Variants in CCDC154 observed in about 807,000 individuals in gnomAD.
The protein encoded by CCDC154 is coiled-coil domain containing 154, also known as coiled-coil domain-containing protein 154.
Under a neutral mutation model 87.5 loss-of-function variants are expected in CCDC154, and 91 were observed. That is an observed-to-expected ratio of 1.04 (90% confidence interval 0.88 to 1.24). The LOEUF is 1.24. Ranked by LOEUF, CCDC154 falls within the 50% of genes most tolerant of loss-of-function variation. The probability of loss-of-function intolerance (pLI) is 0.00; values close to 1 mark genes in which losing one functional copy is unlikely to be tolerated. For missense variants in CCDC154, 903 were observed against 879.2 expected (o/e 1.03, Z -0.34); for synonymous variants, 418 against 400.4 (o/e 1.04, Z -0.52).
Position 1,438,990 on chromosome 16 carries a change from G to C in CCDC154, c.777+35C>G, listed in dbSNP as rs77488687. 2,754 of 1,549,702 alleles carry C rather than the reference G, an allele frequency of 1.8e-3. 64 individuals are homozygous for C. The African/African-American group carries it at 0.034, about 19-fold the overall frequency. On this transcript the variant is annotated intron_variant, in intron 7 of 16. Coordinates refer to ENST00000389176, the MANE Select transcript of CCDC154 (RefSeq NM_001143980.3). ...AGCTGCAGGTCTGCGTCTGGGAAGG[G>C]GGGCAGGGCAGGCCAGCCGCGGGCA...
At position 1,434,723 on chromosome 16, in the gene CCDC154, T is replaced by C; in HGVS notation, c.1822A>G (p.Met608Val). Residue 608 changes from methionine (M) to valine (V), a missense_variant, in exon 16 of 17, where the codon ATG becomes GTG. Transcript: ENST00000389176. ...LVRPRVFIKDMAPGKVVPMNC... is the reference protein window; with the variant it reads ...LVRPRVFIKDVAPGKVVPMNC... ...ATGGGCACCACCTTGCCAGGCGCCA[T>C]GTCCTTGATGAAGACCCGCGGCCTC... 2 of 1,546,820 alleles carry C rather than the reference T, an allele frequency of 1.3e-6. No homozygotes were observed. Among genetic ancestry groups the C allele is most frequent in the South Asian group, 1.2e-5 (1 of 84,056 alleles).
rs2038497114 is a variant in CCDC154 at position 1,435,871 on chromosome 16, C to T, written c.1605+98G>A. Reference sequence around the variant, plus strand: ...GCGTCTCCTGCTGGCTGGAAAATGCCCCGTAGGCTGGGGGTCCTGCCTCTC... The same window carrying T: ...GCGTCTCCTGCTGGCTGGAAAATGCTCCGTAGGCTGGGGGTCCTGCCTCTC... On this transcript the variant is annotated intron_variant, in intron 14 of 16. Transcript: ENST00000389176. 6 of 1,034,180 alleles carry T rather than the reference C, an allele frequency of 5.8e-6. No individual in the cohort carries two copies. In the South Asian group the frequency reaches 9.0e-5, roughly 15 times the overall value. The allele number at this position is 1,034,180 out of a possible 1,614,324, so 64.1% of individuals were successfully genotyped here.
chr16:1,438,526 C>A, intron 9 of CCDC154, 93 bp downstream of exon 9: 1 of 1,193,292 alleles, frequency 8.4e-7, no homozygotes. Context: ...GAGGCAAGGT[C>A]ATTCCCTGCT....
intron 6 of CCDC154, 41 bp downstream of exon 6, chr16:1,442,365 G>A (rs2038559331): frequency 6.6e-7 from 1 of 1,518,110 alleles, no homozygotes; most frequent in Non-Finnish European, 8.8e-7. Flanking sequence ...CTCCTCCTCG[G>A]CCCTCTGGGC....
rs527727935 is a variant in CCDC154, at chr16:1,442,863, G to A, written c.551+17C>T. The A allele has an allele frequency of 1.2e-4, 180 of 1,544,432 alleles. No homozygotes were observed. The highest frequency in any genetic ancestry group is 1.7e-4 in the Middle Eastern group (1 of 5,992). On this transcript the variant is annotated intron_variant, in intron 5 of 16. Coordinates refer to ENST00000389176, the MANE Select transcript of CCDC154 (RefSeq NM_001143980.3). ...CCACGCAAGCTCCGGAGCCAGCCAC[G>A]GGCGGTGGGCGCCCACCTGAGGCCG...
chr16:1,438,797 C>T lies in CCDC154; in HGVS notation c.906+18G>A. The T allele has an allele frequency of 1.3e-6, 2 of 1,539,924 alleles. No homozygotes were observed. Among genetic ancestry groups the T allele is most frequent in the South Asian group, 1.2e-5 (1 of 83,320 alleles). ...CCCCGGCCCCGGCCCCACCTGCCCG[C>T]CGCCCGCCCGGCCCCACCTCATGCT... On this transcript the variant is annotated intron_variant, in intron 8 of 16. Transcript: ENST00000389176.
chr16:1,437,582 A>G (rs2038513111), intron 11 of CCDC154: 3 of 498,330 alleles, frequency 6.0e-6, no homozygotes, highest in Non-Finnish European at 1.0e-5. Context: ...CCGAGGCTCC[A>G]GCTCGGGCCT....
In CCDC154 at chr16:1,444,027, C is replaced by T. The variant is rs759096285; in HGVS notation, c.8-15G>A. 2 of 1,295,420 alleles carry T rather than the reference C, an allele frequency of 1.5e-6. No homozygotes were observed. The highest frequency in any genetic ancestry group is 1.0e-6 in the Non-Finnish European group (1 of 988,274). 80.2% of individuals were successfully genotyped at this position (1,295,420 alleles called of 1,614,324 possible). ...GTCAGCCAACTCTACAAGGAGGCATCTTGGGAGCTTGCCCCTTGGGGCCCG... is the reference window on the plus strand; with the variant it reads ...GTCAGCCAACTCTACAAGGAGGCATTTTGGGAGCTTGCCCCTTGGGGCCCG... On this transcript the variant is annotated splice_polypyrimidine_tract_variant and intron_variant, in intron 1 of 16. Transcript: ENST00000389176.
intron 6 of CCDC154, among the ~76,000 whole-genome samples, chr16:1,441,847 C>T (rs2038554777): frequency 6.6e-6 from 1 of 152,212 alleles, no homozygotes; most frequent in African/African-American, 2.4e-5. Context: ...TCAAGCGATC[C>T]TCCCGCCTCG....
At chr16:1,444,236 C>T (rs977319076) in intron 1 of CCDC154, 80 bp downstream of exon 1, 21 of 1,259,298 alleles carry the variant, frequency 1.7e-5, no homozygotes, top group East Asian at 5.6e-5. Context: ...GGAGGGAGCC[C>T]GGGGTCAGAA....
chr16:1,440,531 AGAAAG>A (rs1422068043), intron 6 of CCDC154, among the ~76,000 whole-genome samples: 1 of 152,080 alleles, frequency 6.6e-6, no homozygotes, highest in East Asian at 1.9e-4. Flanking sequence ...AAAAAAGAAA[AGAAAG>A]GAAAAGAGAA....
intron 14 of CCDC154, 81 bp downstream of exon 14, chr16:1,435,888 C>T: frequency 8.2e-7 from 1 of 1,216,272 alleles, no homozygotes; most frequent in Non-Finnish European, 1.2e-6. Flanking sequence ...GCTGGGGGTC[C>T]TGCCTCTCCG....
At position 1,438,882 on chromosome 16, in the gene CCDC154, T is replaced by G. The variant is rs1371269742; in HGVS notation, c.839A>C (p.Glu280Ala). ...CCCCCGAAGCTTCTCCCACCGGCTC[T>G]CCAGCTCGCCCCGCAGGCTGCCCTC... ...KLEGSLRGEL[E>A]SRWEKLRGLM... The change falls in exon 8 of 17, where the codon GAG becomes GCG. Residue 280 changes from glutamate (E) to alanine (A), a missense_variant. Glu to Ala is a moderately radical substitution (Grantham distance 107, BLOSUM62 -1). Coordinates refer to ENST00000389176, the MANE Select transcript of CCDC154 (RefSeq NM_001143980.3). 1.9e-6 allele frequency: 3 copies of G among 1,549,290 alleles called. No individual in the cohort carries two copies. The East Asian group carries it at 7.3e-5, about 38-fold the overall frequency.
At chr16:1,438,560 C>T (rs1406583876) in intron 9 of CCDC154, 59 bp downstream of exon 9, 1 of 1,458,424 alleles carries the variant, frequency 6.9e-7, no homozygotes, top group African/African-American at 1.4e-5. Flanking sequence ...CGGCCCCCTC[C>T]TGAGTGGGAC....
intron 15 of CCDC154, 55 bp from the exon 16 acceptor site, chr16:1,434,907 G>A: frequency 6.9e-7 from 1 of 1,454,952 alleles, no homozygotes; most frequent in Non-Finnish European, 9.0e-7. Context: ...GGCAGGGGAT[G>A]GCAAACGGGG....
rs2038560452 is a variant in CCDC154, at chr16:1,442,448, C to T, written c.633G>A (p.Glu211=). The T allele has an allele frequency of 1.9e-6, 3 of 1,550,038 alleles. No homozygotes were observed. Among genetic ancestry groups the T allele is most frequent in the East Asian group, 2.4e-5 (1 of 40,908 alleles). Residue 211 remains glutamate (E), a synonymous_variant, in exon 6 of 17, where the codon GAG becomes GAA. Transcript: ENST00000389176. ...VACGALQKNQ[E]DSSRRVDLEV... is the part of the protein sequence containing the mutation. ...CCAGGTCCACCCTCCGGCTGCTGTC[C>T]TCTTGGTTCTTCTGCAGGGCGCCGC...
intron 6 of CCDC154, among the ~76,000 whole-genome samples, chr16:1,442,026 C>G (rs2038556449): frequency 6.6e-6 from 1 of 151,936 alleles, no homozygotes; most frequent in Non-Finnish European, 1.5e-5. Flanking sequence ...AAGCAATCCT[C>G]CTGCCTCAGC....
In CCDC154 at chr16:1,442,442, G is replaced by T. The variant is rs2038560363; in HGVS notation, c.639C>A (p.Ser213Arg). The T allele has an allele frequency of 6.5e-7, 1 of 1,549,892 alleles. No homozygotes were observed. The highest frequency in any genetic ancestry group is 2.0e-5 in the Admixed American group (1 of 50,906). ...CCACCTCCAGGTCCACCCTCCGGCT[G>T]CTGTCCTCTTGGTTCTTCTGCAGGG... ...CGALQKNQED[S>R]SRRVDLEVAR... The change falls in exon 6 of 17, where the codon AGC (serine) becomes AGA (arginine). Residue 213 changes from serine to arginine, a missense_variant. Coordinates refer to ENST00000389176, the MANE Select transcript of CCDC154 (RefSeq NM_001143980.3).
At chr16:1,444,216 C>G (rs2038588809) in intron 1 of CCDC154, 100 bp downstream of exon 1, 1 of 1,221,410 alleles carries the variant, frequency 8.2e-7, no homozygotes, top group Admixed American at 2.6e-5. Context: ...GCGGCAGGAA[C>G]AAGCGAGCTG....
Sources: allele counts gnomAD v4.1 joint callset (sites outside exome capture counted in the v4.1 genomes callset), GRCh38; gene constraint gnomAD v4.1.1; transcripts MANE v1.5; gene names NCBI Gene and HGNC (gene_info 2026-07-23, HGNC 2026-07-21).